ST18: variants seen among roughly 807,000 people sequenced by gnomAD.
ST18 encodes suppression of tumorigenicity 18 protein.
A neutral mutation model predicts 110.0 loss-of-function variants in ST18; 50 were observed. The ratio of observed to expected loss-of-function variants is 0.45; its 90% confidence interval spans 0.36 to 0.58. The LOEUF is 0.58. Among genes scored for constraint, ST18 ranks in the 20% least tolerant of loss-of-function variants. The pLI is 0.00. For synonymous variants in ST18, 461 were observed against 452.4 expected, an observed-to-expected ratio of 1.02 and a Z score of -0.24; for missense variants, 1,306 against 1,280.1, an observed-to-expected ratio of 1.02 and a Z score of -0.31.
chr8:52,269,755 C>T (rs182210283), intron 2 of ST18, among the ~76,000 whole-genome samples: 8 of 152,188 alleles, frequency 5.3e-5, no homozygotes, highest in Non-Finnish European at 1.0e-4. Context: ...AATTATTTTA[C>T]AGATGCCCTT....
intron 3 of ST18, among the ~76,000 whole-genome samples, chr8:52,225,630 C>T (rs1007068571): frequency 2.0e-5 from 3 of 152,150 alleles, no homozygotes; most frequent in Non-Finnish European, 2.9e-5. Flanking sequence ...CACTCTGATC[C>T]GGTGATGGAG....
chr8:52,384,458 T>TAC (rs1024214381), intron 2 of ST18, among the ~76,000 whole-genome samples: 2 of 151,634 alleles, frequency 1.3e-5, no homozygotes, highest in Non-Finnish European at 2.9e-5. Flanking sequence ...ATCCTCTCCA[T>TAC]ACACACACAC....
intron 25 of ST18, among the ~76,000 whole-genome samples, chr8:52,113,954 G>GTTTTATTTTTTTTTTTTTTTTTTTTTT (rs2041428075): frequency 2.2e-5 from 1 of 45,422 alleles, no homozygotes; most frequent in African/African-American, 8.2e-5. Context: ...TTCATACCGT[G>GTTTTATTTTTTTTTTTTTTTTTTTTTT]TTTTTTTTTT....
chr8:52,198,735 C>T lies in ST18; in HGVS notation c.86+13344G>A, dbSNP rs141175744. The stretch of plus-strand genomic sequence containing the variant: ...CACACACAAATCTGTGAAATGTTTC[C>T]GCAGCCAAGTGTCCTATTGAATTAC... On this transcript the variant is annotated intron_variant, in intron 8 of 25. Transcript: ENST00000689386. 1.6e-3 allele frequency among the ~76,000 whole-genome samples: 238 copies of T among 152,252 alleles called. 2 individuals carry two copies. The highest frequency in any genetic ancestry group is 5.4e-3 in the African/African-American group (224 of 41,538).
intron 10 of ST18, among the ~76,000 whole-genome samples, chr8:52,167,333 A>G (rs1307597823): frequency 6.6e-6 from 1 of 152,276 alleles, no homozygotes; most frequent in Non-Finnish European, 1.5e-5. Context: ...ATAGTGAGAC[A>G]GAATTTATTT....
intron 2 of ST18, among the ~76,000 whole-genome samples, chr8:52,326,143 G>A (rs1241674019): frequency 6.6e-6 from 1 of 152,164 alleles, no homozygotes; most frequent in Non-Finnish European, 1.5e-5. Context: ...ATTCTCAGCT[G>A]CTTATATTTC....
chr8:52,374,013 C>T lies in ST18; in HGVS notation c.-465+35315G>A, dbSNP rs531869682. Among the ~76,000 whole-genome samples the T allele has an allele frequency of 5.3e-5, 8 of 152,260 alleles. No individual in the cohort carries two copies. The South Asian group carries it at 1.7e-3, about 32-fold the overall frequency. Reference sequence around the variant, plus strand: ...CTGTTTCTCAATTCTCTAATACCTCCTTGCCTGCCTCTCTCTCAGTGGACT... The same window carrying T: ...CTGTTTCTCAATTCTCTAATACCTCTTTGCCTGCCTCTCTCTCAGTGGACT... On this transcript the variant is annotated intron_variant, in intron 2 of 25. Transcript: ENST00000689386.
intron 2 of ST18, among the ~76,000 whole-genome samples, chr8:52,318,845 C>G: frequency 6.6e-6 from 1 of 150,632 alleles, no homozygotes; most frequent in African/African-American, 2.5e-5. Flanking sequence ...TGCGTATTCT[C>G]ACTTATAAGT....
At chr8:52,293,254 G>T (rs1335845387) in intron 2 of ST18, among the ~76,000 whole-genome samples, 1 of 152,208 alleles carries the variant, frequency 6.6e-6, no homozygotes, top group Non-Finnish European at 1.5e-5. Context: ...AGGAAGCACT[G>T]GCTGCTCTGT....
chr8:52,212,025 C>A (rs374805412), intron 8 of ST18, 54 bp downstream of exon 8: 3 of 1,548,796 alleles, frequency 1.9e-6, no homozygotes, highest in East Asian at 2.3e-5. Flanking sequence ...ACAAATCATT[C>A]GAATAATCAA....
intron 2 of ST18, among the ~76,000 whole-genome samples, chr8:52,314,719 C>A (rs2095991192): frequency 2.0e-5 from 3 of 152,222 alleles, no homozygotes. Context: ...CCCCTAGAAC[C>A]CTCCCTGGCC....
intron 2 of ST18, among the ~76,000 whole-genome samples, chr8:52,277,955 G>A (rs2095306017): frequency 6.6e-6 from 1 of 152,234 alleles, no homozygotes; most frequent in Non-Finnish European, 1.5e-5. Flanking sequence ...GGTAATTGGA[G>A]TCAACAGGAC....
intron 23 of ST18, among the ~76,000 whole-genome samples, chr8:52,123,125 T>C (rs896373714): frequency 1.3e-5 from 2 of 152,162 alleles, no homozygotes; most frequent in Non-Finnish European, 2.9e-5. Flanking sequence ...AATGTGGCAA[T>C]TTAATTATGG....
At chr8:52,176,040 T>C (rs186479861) in intron 9 of ST18, among the ~76,000 whole-genome samples, 1,629 of 152,088 alleles carry the variant, frequency 0.011, 14 homozygotes, top group Non-Finnish European at 0.015. Flanking sequence ...TTTTTTTTTT[T>C]AGACGGAGTC....
chr8:52,318,175 A>G (rs1301363523), intron 2 of ST18, among the ~76,000 whole-genome samples: 1 of 152,136 alleles, frequency 6.6e-6, no homozygotes, highest in Non-Finnish European at 1.5e-5. Context: ...ACTTAAATTT[A>G]CAAGAAAAAA....
chr8:52,380,337 G>A (rs1292563280), intron 2 of ST18, among the ~76,000 whole-genome samples: 2 of 151,924 alleles, frequency 1.3e-5, no homozygotes, highest in Admixed American at 6.6e-5. Context: ...TAAGAATACA[G>A]TATATAATGC....
chr8:52,169,555 A>G (rs1228388728), intron 10 of ST18, among the ~76,000 whole-genome samples: 2 of 152,162 alleles, frequency 1.3e-5, no homozygotes, highest in Non-Finnish European at 2.9e-5. Context: ...TTAACAGTGA[A>G]GTTGCATGGT....
At chr8:52,396,960 T>C (rs963394700) in intron 2 of ST18, among the ~76,000 whole-genome samples, 5 of 152,228 alleles carry the variant, frequency 3.3e-5, no homozygotes, top group African/African-American at 1.2e-4. Flanking sequence ...ATTCAAATAT[T>C]TACAAGATTT....
In ST18 at chr8:52,125,405, A is replaced by ACACG. The variant is rs35834133; in HGVS notation, c.2755+646_2755+647insCGTG. Among the ~76,000 whole-genome samples the ACACG allele has an allele frequency of 2.8e-3, 428 of 151,570 alleles. 1 individual carries two copies. Among genetic ancestry groups the ACACG allele is most frequent in the African/African-American group, 9.0e-3 (371 of 41,210 alleles). On this transcript the variant is annotated intron_variant, in intron 23 of 25. Coordinates refer to ENST00000689386, the MANE Select transcript of ST18 (RefSeq NM_001352837.2). ...CGCGCACGTACACACACACACACAC[A>ACACG]TACACACACACGAGAGAGAAAGAGA...
Sources: gnomAD v4.1 joint callset for allele counts (sites outside exome capture counted in the v4.1 genomes callset) on GRCh38, gnomAD v4.1.1 for gene constraint, MANE v1.5 for transcripts, NCBI Gene and HGNC (gene_info 2026-07-23, HGNC 2026-07-21) for gene names.